The following TRUB2 variants were observed in gnomAD, a reference collection of about 807,000 sequenced individuals.
TRUB2 encodes the protein TruB pseudouridine synthase family member 2.
Under a neutral mutation model 31.9 loss-of-function variants are expected in TRUB2, and 31 were observed. That is an observed-to-expected ratio of 0.97 (90% CI 0.73 to 1.31). The LOEUF is 1.31. Ranked by LOEUF, TRUB2 falls within the 50% of genes most tolerant of loss-of-function variation. The probability of loss-of-function intolerance (pLI) is 0.00; values close to 1 mark genes in which losing one functional copy is unlikely to be tolerated. For synonymous variants in TRUB2, 201 were observed against 182.6 expected, an observed-to-expected ratio of 1.10 and a Z score of -0.81; for missense variants, 451 against 439.6, an observed-to-expected ratio of 1.03 and a Z score of -0.23.
intron 6 of TRUB2, 159 bp downstream of exon 6, chr9:128,311,370 A>G (rs966703870): frequency 3.6e-5 from 28 of 784,330 alleles, no homozygotes; most frequent in African/African-American, 3.0e-4. Flanking sequence ...GACCTGGCAC[A>G]CAGAACCATT....
Position 128,309,901 on chromosome 9 carries a change from A to G in TRUB2, c.671-26T>C, listed in dbSNP as rs759819895. On this transcript the variant is annotated intron_variant, in intron 7 of 7. Coordinates refer to ENST00000372890, the MANE Select transcript of TRUB2 (RefSeq NM_015679.3). Reference sequence around the variant, plus strand: ...CTGCCAGGGACACACAATGACAGACATGGTGGTGAGAGCACAGCCTCTAGT... The same window carrying G: ...CTGCCAGGGACACACAATGACAGACGTGGTGGTGAGAGCACAGCCTCTAGT... 13 of 1,605,746 alleles carry G rather than the reference A, an allele frequency of 8.1e-6. No homozygotes were observed. In the South Asian group the frequency reaches 1.3e-4, roughly 17 times the overall value.
intron 1 of TRUB2, 53 bp downstream of exon 1, chr9:128,322,247 T>TG: frequency 1.3e-6 from 2 of 1,499,340 alleles, no homozygotes; most frequent in South Asian, 1.1e-5. Flanking sequence ...GAAGCGGAGA[T>TG]GGACTTCCAA....
intron 4 of TRUB2, among the ~76,000 whole-genome samples, chr9:128,314,931 A>T (rs997154077): frequency 2.6e-5 from 4 of 152,144 alleles, no homozygotes; most frequent in African/African-American, 9.7e-5. Flanking sequence ...TTAATTAGGT[A>T]ATCTACCCAA....
rs1831921627 is a variant in TRUB2 at position 128,309,366 on chromosome 9, T to C, written c.*184A>G. Reference sequence around the variant, plus strand: ...ATCAGTCTGTCATGTTTACTGTCTTTTCCTCCATACAGAAGTTTTTCCTTC... The same window carrying C: ...ATCAGTCTGTCATGTTTACTGTCTTCTCCTCCATACAGAAGTTTTTCCTTC... On this transcript the variant is annotated 3_prime_UTR_variant, in exon 8 of 8. Coordinates refer to ENST00000372890, the MANE Select transcript of TRUB2 (RefSeq NM_015679.3). 6.4e-6 allele frequency: 4 copies of C among 626,748 alleles called. No individual in the cohort carries two copies. Among genetic ancestry groups the C allele is most frequent in the South Asian group, 6.1e-5 (3 of 49,266 alleles). 38.8% of individuals were successfully genotyped at this position (626,748 alleles called of 1,614,324 possible).
Position 128,309,884 on chromosome 9 carries a change from G to C in TRUB2, c.671-9C>G. 3 of 1,610,296 alleles carry C rather than the reference G, an allele frequency of 1.9e-6. No individual in the cohort carries two copies. Among genetic ancestry groups the C allele is most frequent in the Non-Finnish European group, 2.5e-6 (3 of 1,177,574 alleles). ...ATGCATGCACTGCACCTCTGCCAGG[G>C]ACACACAATGACAGACATGGTGGTG... On this transcript the variant is annotated splice_polypyrimidine_tract_variant and intron_variant, in intron 7 of 7. Coordinates refer to ENST00000372890, the MANE Select transcript of TRUB2 (RefSeq NM_015679.3).
chr9:128,313,813 G>A lies in TRUB2; in HGVS notation c.455C>T (p.Thr152Ile), dbSNP rs371238195. The change falls in exon 5 of 8, where the codon ACC (threonine) becomes ATC (isoleucine). Residue 152 changes from threonine to isoleucine, a missense_variant. Transcript: ENST00000372890. The part of the protein sequence containing the change: ...REDGRLVEKT[T>I]YDHVTREKLD... The stretch of plus-strand genomic sequence containing the variant: ...CAGCCACTTCCGGTTCTCACCATAG[G>A]TTGTCTTCTCTACCAGCCTCCCGTC... 9.1e-5 allele frequency: 147 copies of A among 1,614,160 alleles called. 1 individual carries two copies. The South Asian group carries it at 1.5e-3, about 17-fold the overall frequency.
Position 128,305,413 on chromosome 9 carries a change from C to T in TRUB2, c.*4137G>A, listed in dbSNP as rs1831849894. The T allele has an allele frequency of 6.6e-6, 1 of 152,228 alleles. No homozygotes were observed. Among genetic ancestry groups the T allele is most frequent in the Non-Finnish European group, 1.5e-5 (1 of 68,122 alleles). 9.4% of individuals were successfully genotyped at this position (152,228 alleles called of 1,614,324 possible). On this transcript the variant is annotated 3_prime_UTR_variant, in exon 8 of 8. Coordinates refer to ENST00000372890, the MANE Select transcript of TRUB2 (RefSeq NM_015679.3). Reference sequence around the variant, plus strand: ...TGTTTGTTTTGAGATAGGGTCTCACCCTGTCACCCAGGCTAGAGTACAGTC... The same window carrying T: ...TGTTTGTTTTGAGATAGGGTCTCACTCTGTCACCCAGGCTAGAGTACAGTC...
At chr9:128,316,800 T>C (rs1372246654) in intron 3 of TRUB2, 1 of 219,044 alleles carries the variant, frequency 4.6e-6, no homozygotes, top group East Asian at 1.2e-4. Flanking sequence ...ACCAGGGGTA[T>C]TCACTGGCCA....
intron 5 of TRUB2, among the ~76,000 whole-genome samples, 171 bp from the exon 6 acceptor site, chr9:128,311,772 A>G (rs1831973443): frequency 1.6e-5 from 2 of 125,174 alleles, no homozygotes; most frequent in African/African-American, 1.0e-4. Context: ...AAAGCACTGG[A>G]CCTCAGAAAG....
At position 128,309,235 on chromosome 9, in the gene TRUB2, CACT is replaced by C. The variant is rs1207055306; in HGVS notation, c.*312_*314del. The stretch of plus-strand genomic sequence containing the variant: ...GGCTATTCACAGGCGCCGTCTAGCG[CACT>C]ACAACCTTAAACTCCTGGGCTCAAG... On this transcript the variant is annotated 3_prime_UTR_variant, in exon 8 of 8. Transcript: ENST00000372890. 1 of 356,236 alleles carries C rather than the reference CACT, an allele frequency of 2.8e-6. No individual in the cohort carries two copies. Among genetic ancestry groups the C allele is most frequent in the African/African-American group, 2.0e-5 (1 of 48,984 alleles). 22.1% of individuals were successfully genotyped at this position (356,236 alleles called of 1,614,324 possible).
intron 4 of TRUB2, among the ~76,000 whole-genome samples, chr9:128,314,212 G>A (rs1588524084): frequency 1.3e-5 from 2 of 152,174 alleles, no homozygotes; most frequent in African/African-American, 2.4e-5. Context: ...ACTGCTGGCT[G>A]GTTTCCATGA....
intron 4 of TRUB2, among the ~76,000 whole-genome samples, chr9:128,314,357 G>A (rs759097154): frequency 6.6e-6 from 1 of 152,058 alleles, no homozygotes; most frequent in African/African-American, 2.4e-5. Flanking sequence ...TGCCCTGTAG[G>A]CTTCTCTCCA....
intron 3 of TRUB2, 40 bp from the exon 4 acceptor site, chr9:128,315,668 T>G (rs1367890366): frequency 6.2e-7 from 1 of 1,600,518 alleles, no homozygotes; most frequent in Admixed American, 1.7e-5. Flanking sequence ...TGGGACCCCC[T>G]TCCCATTCCC....
intron 2 of TRUB2, 152 bp downstream of exon 2, chr9:128,321,447 T>C: frequency 7.2e-7 from 1 of 1,384,362 alleles, no homozygotes; most frequent in Non-Finnish European, 9.8e-7. Context: ...TATCTGGCCC[T>C]TTCCAAGGAA....
intron 3 of TRUB2, chr9:128,316,846 T>C (rs758867353): frequency 3.3e-6 from 1 of 302,392 alleles, no homozygotes; most frequent in Non-Finnish European, 6.1e-6. Flanking sequence ...TCCTACTTTC[T>C]TCTTCCATAA....
At chr9:128,318,741 C>T (rs1468853445) in intron 2 of TRUB2, among the ~76,000 whole-genome samples, 1 of 151,872 alleles carries the variant, frequency 6.6e-6, no homozygotes, top group Non-Finnish European at 1.5e-5. Flanking sequence ...ATCATGTTGG[C>T]CAGGCTGGTC....
rs200866588 is a variant in TRUB2 at position 128,322,278 on chromosome 9, G to C, written c.109+22C>G. On this transcript the variant is annotated intron_variant, in intron 1 of 7. Coordinates refer to ENST00000372890, the MANE Select transcript of TRUB2 (RefSeq NM_015679.3). ...TCCAAGAGAACGAGAGCGGGAACGT[G>C]GGTCTGGTTCGAGGCACTCACCCTT... is the stretch of plus-strand genomic sequence containing the variant. 3.1e-6 allele frequency: 5 copies of C among 1,589,058 alleles called. No homozygotes were observed. The East Asian group carries it at 8.9e-5, about 28-fold the overall frequency.
chr9:128,312,202 A>G (rs1191650877), intron 5 of TRUB2, among the ~76,000 whole-genome samples: 3 of 145,884 alleles, frequency 2.1e-5, no homozygotes, highest in Non-Finnish European at 4.5e-5. Context: ...AAATGGCACA[A>G]TCTCAGCTCA....
chr9:128,320,760 G>A (rs1387395458), intron 2 of TRUB2, among the ~76,000 whole-genome samples: 1 of 152,050 alleles, frequency 6.6e-6, no homozygotes, highest in Non-Finnish European at 1.5e-5. Context: ...CACCAGGCCT[G>A]GCCTTCCCAT....
Sources: allele counts gnomAD v4.1 joint callset (sites outside exome capture counted in the v4.1 genomes callset), GRCh38; gene constraint gnomAD v4.1.1; transcripts MANE v1.5; gene names NCBI Gene and HGNC (gene_info 2026-07-23, HGNC 2026-07-21).